The following ABLIM2 variants were observed in gnomAD, a reference collection of about 807,000 sequenced individuals.
ABLIM2 encodes the protein actin-binding LIM protein 2.
Under a neutral mutation model 97.7 loss-of-function variants are expected in ABLIM2, and 53 were observed. That is an observed-to-expected ratio of 0.54 (90% CI 0.44 to 0.68). ABLIM2 has a LOEUF of 0.68. ABLIM2 is among the 30% of genes least tolerant of loss of function. ABLIM2 has a pLI of 0.00. For missense variants in ABLIM2, 835 were observed against 867.2 expected (o/e 0.96, Z 0.47); for synonymous variants, 361 against 345.8 (o/e 1.04, Z -0.49).
At chr4:8,144,927 C>T (rs979960742) in intron 1 of ABLIM2, among the ~76,000 whole-genome samples, 3 of 152,194 alleles carry the variant, frequency 2.0e-5, no homozygotes, top group African/African-American at 4.8e-5. Context: ...TGAAAGAACC[C>T]GTGGGGAGAC....
At chr4:7,993,063 CCTG>C in intron 16 of ABLIM2, 136 bp from the exon 17 acceptor site, 2 of 857,198 alleles carry the variant, frequency 2.3e-6, no homozygotes, top group Non-Finnish European at 3.8e-6. Flanking sequence ...AGGACCATGA[CCTG>C]CCTCAGTGGT....
chr4:7,975,183 A>C (rs954904290), intron 20 of ABLIM2, among the ~76,000 whole-genome samples: 1 of 152,104 alleles, frequency 6.6e-6, no homozygotes, highest in African/African-American at 2.4e-5. Context: ...GTGCCACTGC[A>C]CTCCACCCTA....
At chr4:8,038,436 T>C (rs1459616642) in intron 9 of ABLIM2, among the ~76,000 whole-genome samples, 1 of 152,168 alleles carries the variant, frequency 6.6e-6, no homozygotes, top group Non-Finnish European at 1.5e-5. Flanking sequence ...CTGGACAATG[T>C]AAGCCCTCAT....
At chr4:8,006,201 C>T (rs1761169257) in intron 16 of ABLIM2, among the ~76,000 whole-genome samples, 1 of 152,226 alleles carries the variant, frequency 6.6e-6, no homozygotes, top group African/African-American at 2.4e-5. Context: ...GCCACATGTG[C>T]AGGTCACAGA....
rs1852105418 is a variant in ABLIM2, at chr4:8,148,008, G to A, written c.10+10672C>T. Among the ~76,000 whole-genome samples, 1 of 152,258 alleles carries A rather than the reference G, an allele frequency of 6.6e-6. No individual in the cohort carries two copies. Among genetic ancestry groups the A allele is most frequent in the African/African-American group, 2.4e-5 (1 of 41,464 alleles). On this transcript the variant is annotated intron_variant, in intron 1 of 20. Coordinates refer to ENST00000447017, the MANE Select transcript of ABLIM2 (RefSeq NM_001130083.2). The surrounding 1 kb of genome is among the most constrained non-coding windows in gnomAD (Gnocchi z 6.7). ...AAGGGGCACGAGTCAGGGCCCAGCT[G>A]CAGACCAACCCCAAACTCTGGTGTG...
At chr4:8,104,570 C>T (rs1397768770) in intron 2 of ABLIM2, among the ~76,000 whole-genome samples, 1 of 152,216 alleles carries the variant, frequency 6.6e-6, no homozygotes, top group Non-Finnish European at 1.5e-5. Context: ...GTCTCAGCAT[C>T]TCTGAAGGTC....
At chr4:8,129,225 C>T (rs1849001053) in intron 1 of ABLIM2, among the ~76,000 whole-genome samples, 1 of 152,196 alleles carries the variant, frequency 6.6e-6, no homozygotes, top group Admixed American at 6.5e-5. Context: ...ACTCTCAATG[C>T]CATCTTTAAG....
At position 7,970,682 on chromosome 4, in the gene ABLIM2, G is replaced by C. The variant is rs971391789; in HGVS notation, c.1825-3579C>G. Among the ~76,000 whole-genome samples the C allele has an allele frequency of 4.0e-5, 6 of 151,890 alleles. No homozygotes were observed. Among genetic ancestry groups the C allele is most frequent in the African/African-American group, 1.5e-4 (6 of 41,352 alleles). On this transcript the variant is annotated intron_variant, in intron 20 of 20. Coordinates refer to ENST00000447017, the MANE Select transcript of ABLIM2 (RefSeq NM_001130083.2). The surrounding 1 kb of genome is among the most constrained non-coding windows in gnomAD (Gnocchi z 5.3). ...AGCAGAGGTGCCCTTGGGGATGACT[G>C]TGGGGGGGCGGTGGAGGGAGCATCT...
intron 16 of ABLIM2, chr4:7,994,063 A>AGGGTCCAGG: frequency 1.3e-5 from 5 of 372,636 alleles, no homozygotes; most frequent in Non-Finnish European, 2.1e-5. Flanking sequence ...AGGACCCTCC[A>AGGGTCCAGG]CACCCAGGGA....
rs1812315086 is a variant in ABLIM2, at chr4:8,071,724, G to A, written c.675+5904C>T. On this transcript the variant is annotated intron_variant, in intron 6 of 20. Transcript: ENST00000447017. This position sits in a 1 kb window ranked among gnomAD's most constrained non-coding sequence, Gnocchi z 6.2. The stretch of plus-strand genomic sequence containing the variant: ...CCACCCGCAGCCCCTCCTGGCCCCT[G>A]TGAGCCCCCATCAGCCCCTTGGAGT... The A allele has an allele frequency of 3.1e-6, 3 of 982,276 alleles. No individual in the cohort carries two copies. Among genetic ancestry groups the A allele is most frequent in the Non-Finnish European group, 3.6e-6 (3 of 828,392 alleles). 60.8% of individuals were successfully genotyped at this position (982,276 alleles called of 1,614,324 possible).
rs1204284808 is a variant in ABLIM2, at chr4:8,023,189, C to T, written c.1268-2886G>A. ...CCGGCCCGCGTCCCTGCCGTCCCCTCTCCCATCACTAGGGTGCCCACAGAT... is the reference window on the plus strand; with the variant it reads ...CCGGCCCGCGTCCCTGCCGTCCCCTTTCCCATCACTAGGGTGCCCACAGAT... On this transcript the variant is annotated intron_variant, in intron 12 of 20. Coordinates refer to ENST00000447017, the MANE Select transcript of ABLIM2 (RefSeq NM_001130083.2). The surrounding 1 kb of genome is among the most constrained non-coding windows in gnomAD (Gnocchi z 5.7). 1.3e-5 allele frequency: 2 copies of T among 152,442 alleles called. No homozygotes were observed. Among genetic ancestry groups the T allele is most frequent in the Non-Finnish European group, 2.9e-5 (2 of 68,204 alleles). The allele number at this position is 152,442 out of a possible 1,614,324, so 9.4% of individuals were successfully genotyped here. A position where few individuals can be genotyped will look rare whatever the true frequency, so the allele number is the denominator to read the frequency against.
At chr4:8,066,365 G>T (rs1296766723) in intron 6 of ABLIM2, among the ~76,000 whole-genome samples, 15 of 52,122 alleles carry the variant, frequency 2.9e-4, no homozygotes, top group African/African-American at 1.2e-3. Flanking sequence ...AGGGAGGGAA[G>T]GAAGGAAGGA....
At chr4:8,129,836 G>T (rs1028092267) in intron 1 of ABLIM2, among the ~76,000 whole-genome samples, 1 of 152,174 alleles carries the variant, frequency 6.6e-6, no homozygotes, top group Non-Finnish European at 1.5e-5. Context: ...CCCCCTCCCC[G>T]CCATTGTACG....
Position 8,002,471 on chromosome 4 carries a change from G to A in ABLIM2, c.1618+5588C>T, listed in dbSNP as rs541106645. Among the ~76,000 whole-genome samples, 69 of 152,256 alleles carry A rather than the reference G, an allele frequency of 4.5e-4. 1 individual carries two copies. The South Asian group carries it at 5.0e-3, about 11-fold the overall frequency. On this transcript the variant is annotated intron_variant, in intron 16 of 20. Coordinates refer to ENST00000447017, the MANE Select transcript of ABLIM2 (RefSeq NM_001130083.2). This position sits in a 1 kb window ranked among gnomAD's most constrained non-coding sequence, Gnocchi z 6.1. ...CTGACTGGGCAGCCTCCAGTCCACC[G>A]TCTATGCAGCTGCCTTCTGATGTTT...
At chr4:8,115,611 C>A (rs1324054045) in intron 1 of ABLIM2, among the ~76,000 whole-genome samples, 2 of 152,196 alleles carry the variant, frequency 1.3e-5, no homozygotes, top group Non-Finnish European at 2.9e-5. Context: ...TGAGCTTATC[C>A]CTCTGAGCTC....
At chr4:8,108,586 G>A (rs930734236) in intron 1 of ABLIM2, among the ~76,000 whole-genome samples, 18 of 152,228 alleles carry the variant, frequency 1.2e-4, no homozygotes, top group African/African-American at 3.4e-4. Context: ...ACTGATAGCC[G>A]TCCTAATTCG....
At position 8,148,663 on chromosome 4, in the gene ABLIM2, G is replaced by C. The variant is rs998501745; in HGVS notation, c.10+10017C>G. Among the ~76,000 whole-genome samples the C allele has an allele frequency of 6.6e-6, 1 of 152,190 alleles. No homozygotes were observed. The highest frequency in any genetic ancestry group is 6.5e-5 in the Admixed American group (1 of 15,290). On this transcript the variant is annotated intron_variant, in intron 1 of 20. Coordinates refer to ENST00000447017, the MANE Select transcript of ABLIM2 (RefSeq NM_001130083.2). This position sits in a 1 kb window ranked among gnomAD's most constrained non-coding sequence, Gnocchi z 6.7. ...CGTTCCCCCGTGGGCATGCACAGCA[G>C]AGTCCTGCTTGCCTGGAAGCAAATG...
chr4:7,966,927 G>T lies in ABLIM2; in HGVS notation c.*63C>A. 8.1e-7 allele frequency: 1 copy of T among 1,238,870 alleles called. No individual in the cohort carries two copies. Among genetic ancestry groups the T allele is most frequent in the Non-Finnish European group, 1.2e-6 (1 of 855,626 alleles). 76.7% of individuals were successfully genotyped at this position (1,238,870 alleles called of 1,614,324 possible). A position where few individuals can be genotyped will look rare whatever the true frequency, so the allele number is the denominator to read the frequency against. ...AAGGTGTGTGGGAGGGGTGTGTGCG[G>T]TTCTCGCCAGGGGCCCCTGGCCTCG... On this transcript the variant is annotated 3_prime_UTR_variant, in exon 21 of 21. Coordinates refer to ENST00000447017, the MANE Select transcript of ABLIM2 (RefSeq NM_001130083.2).
At chr4:7,984,730 C>T in intron 18 of ABLIM2, 109 bp downstream of exon 18, 7 of 1,266,340 alleles carry the variant, frequency 5.5e-6, no homozygotes, top group Non-Finnish European at 7.6e-6. Context: ...CCCGGCACTC[C>T]CGGAGCCTTC....
Sources: gnomAD v4.1 joint callset for allele counts (sites outside exome capture counted in the v4.1 genomes callset) on GRCh38, gnomAD v4.1.1 for gene constraint, Gnocchi (gnomAD v3.1) non-coding constraint, MANE v1.5 for transcripts, NCBI Gene and HGNC (gene_info 2026-07-23, HGNC 2026-07-21) for gene names.